Variants in COL21A1 observed in about 807,000 individuals in gnomAD.
COL21A1 encodes the protein collagen type XXI alpha 1 chain, also known as collagen alpha-1(XXI) chain.
COL21A1 carries 149 observed loss-of-function variants against 137.9 expected under a neutral mutation model. The observed-to-expected ratio is 1.08, with a 90% CI of 0.95 to 1.24. The LOEUF (loss-of-function observed/expected upper bound fraction) is 1.24. Ranked by LOEUF, COL21A1 falls within the 50% of genes most tolerant of loss-of-function variation. The probability of loss-of-function intolerance (pLI) is 0.00; values close to 1 mark genes in which losing one functional copy is unlikely to be tolerated. For synonymous variants in COL21A1, 456 were observed against 391.5 expected (o/e 1.16, Z -1.95); for missense variants, 1,167 against 1,158.4 (o/e 1.01, Z -0.11).
chr6:56,146,602 C>A (rs12216230), intron 10 of COL21A1, among the ~76,000 whole-genome samples: 4,103 of 152,068 alleles, frequency 0.027, 83 homozygotes, highest in Non-Finnish European at 0.039. Context: ...GAAGGGCAAG[C>A]AGTTGGGAGT....
chr6:56,325,498 T>A (rs1420549390), intron 1 of COL21A1, among the ~76,000 whole-genome samples: 1 of 2,872 alleles, frequency 3.5e-4, no homozygotes, highest in African/African-American at 6.7e-4. Flanking sequence ...ATATTATATA[T>A]TATATCTGTA....
chr6:56,286,432 T>A (rs959056777), intron 1 of COL21A1, among the ~76,000 whole-genome samples: 17 of 152,174 alleles, frequency 1.1e-4, no homozygotes, highest in Admixed American at 1.3e-4. Context: ...TACCCATGCA[T>A]ACACACATAC....
intron 1 of COL21A1, among the ~76,000 whole-genome samples, chr6:56,206,919 C>G (rs912139685): frequency 1.6e-4 from 24 of 151,784 alleles, no homozygotes; most frequent in African/African-American, 5.8e-4. Flanking sequence ...GGAAACTGAA[C>G]AACCTACTCC....
At chr6:56,293,838 C>T (rs1290290678) in intron 1 of COL21A1, among the ~76,000 whole-genome samples, 1 of 152,088 alleles carries the variant, frequency 6.6e-6, no homozygotes, top group East Asian at 1.9e-4. Flanking sequence ...AAACAGTTGG[C>T]TAATTATGCA....
intron 1 of COL21A1, among the ~76,000 whole-genome samples, chr6:56,336,562 A>G (rs1765333432): frequency 6.6e-6 from 1 of 152,246 alleles, no homozygotes; most frequent in Non-Finnish European, 1.5e-5. Flanking sequence ...CTTCAAAACC[A>G]CCAAGATTAA....
intron 1 of COL21A1, among the ~76,000 whole-genome samples, chr6:56,327,588 C>T (rs1017861618): frequency 2.6e-5 from 4 of 151,904 alleles, no homozygotes; most frequent in Middle Eastern, 3.4e-3. Context: ...AGACCAGAAG[C>T]CCCAGGTAGA....
intron 12 of COL21A1, among the ~76,000 whole-genome samples, chr6:56,139,772 G>A (rs1274356159): frequency 6.6e-6 from 1 of 152,054 alleles, no homozygotes; most frequent in East Asian, 1.9e-4. Flanking sequence ...GAGGCCCAGA[G>A]GTAAGGAACT....
At chr6:56,207,093 A>T (rs974832340) in intron 1 of COL21A1, among the ~76,000 whole-genome samples, 6 of 152,162 alleles carry the variant, frequency 3.9e-5, no homozygotes, top group African/African-American at 1.4e-4. Context: ...AGCAGAAAAG[A>T]TCTAAAATTG....
At chr6:56,217,775 C>T (rs542574475) in intron 1 of COL21A1, among the ~76,000 whole-genome samples, 2 of 152,092 alleles carry the variant, frequency 1.3e-5, no homozygotes, top group East Asian at 1.9e-4. Context: ...GGCTTCCACC[C>T]ACATGTAGTA....
chr6:56,322,942 T>A (rs1000846675), intron 1 of COL21A1, among the ~76,000 whole-genome samples: 23 of 151,440 alleles, frequency 1.5e-4, no homozygotes, highest in Admixed American at 1.1e-3. Context: ...TTTTCAAGTT[T>A]TTTTTATTAA....
intron 1 of COL21A1, among the ~76,000 whole-genome samples, chr6:56,382,434 C>T (rs1347081488): frequency 2.0e-5 from 3 of 152,178 alleles, no homozygotes; most frequent in Non-Finnish European, 4.4e-5. Context: ...GTTCTTCCCA[C>T]CTCCTTCTTT....
chr6:56,382,481 C>G (rs1180696839), intron 1 of COL21A1, among the ~76,000 whole-genome samples: 1 of 152,152 alleles, frequency 6.6e-6, no homozygotes, highest in Non-Finnish European at 1.5e-5. Context: ...TCCCCCTTAG[C>G]CCACTCCAAA....
chr6:56,346,331 G>A (rs1458879158), intron 1 of COL21A1, among the ~76,000 whole-genome samples: 1 of 152,166 alleles, frequency 6.6e-6, no homozygotes, highest in Non-Finnish European at 1.5e-5. Flanking sequence ...TTATTTGGTG[G>A]ATTGATACAG....
chr6:56,366,869 T>G (rs2152349455), intron 1 of COL21A1, among the ~76,000 whole-genome samples: 1 of 152,370 alleles, frequency 6.6e-6, no homozygotes, highest in East Asian at 1.9e-4. Context: ...GTTTGCGTGC[T>G]TAGCAGAACT....
intron 1 of COL21A1, among the ~76,000 whole-genome samples, chr6:56,229,400 A>T (rs1781407856): frequency 6.6e-6 from 1 of 151,986 alleles, no homozygotes; most frequent in African/African-American, 2.4e-5. Context: ...TTTTAAAATC[A>T]GAAATAATAA....
chr6:56,269,783 C>A (rs1474868071), intron 1 of COL21A1, among the ~76,000 whole-genome samples: 1 of 151,910 alleles, frequency 6.6e-6, no homozygotes, highest in Non-Finnish European at 1.5e-5. Context: ...TTTTCAGCAT[C>A]CTTAAAGAAA....
intron 1 of COL21A1, among the ~76,000 whole-genome samples, chr6:56,348,960 G>T (rs1433212938): frequency 6.6e-6 from 1 of 152,190 alleles, no homozygotes; most frequent in Non-Finnish European, 1.5e-5. Context: ...CAATGTGAAA[G>T]TTTAGACAGG....
At chr6:56,211,176 TAC>T (rs1249514256) in intron 1 of COL21A1, among the ~76,000 whole-genome samples, 1 of 11,530 alleles carries the variant, frequency 8.7e-5, no homozygotes, top group African/African-American at 7.3e-4. Context: ...TATGTATATA[TAC>T]ATATATATGT....
chr6:56,167,713 T>C (rs1291638923), intron 6 of COL21A1, among the ~76,000 whole-genome samples: 3 of 152,174 alleles, frequency 2.0e-5, no homozygotes, highest in Non-Finnish European at 2.9e-5. Context: ...AAGAAACAGT[T>C]TTGTTTGTGA....
Sources: gnomAD v4.1 joint callset for allele counts (sites outside exome capture counted in the v4.1 genomes callset) on GRCh38, gnomAD v4.1.1 for gene constraint, MANE v1.5 for transcripts, NCBI Gene and HGNC (gene_info 2026-07-23, HGNC 2026-07-21) for gene names.